The following RIMS1 variants were observed in gnomAD, a reference collection of about 807,000 sequenced individuals.
RIMS1 encodes the protein regulating synaptic membrane exocytosis 1.
Under a neutral mutation model 214.1 loss-of-function variants are expected in RIMS1, and 83 were observed. That is an observed-to-expected ratio of 0.39 (90% confidence interval 0.32 to 0.47). The LOEUF (loss-of-function observed/expected upper bound fraction) is 0.47, where lower values mean the gene tolerates loss of function less well. Ranked by LOEUF, RIMS1 falls within the 20% of genes least tolerant of loss-of-function variation. The probability of loss-of-function intolerance (pLI) is 0.99; values close to 1 mark genes in which losing one functional copy is unlikely to be tolerated. For synonymous variants in RIMS1, 793 were observed against 786.8 expected, an observed-to-expected ratio of 1.01 and a Z score of -0.13; for missense variants, 2,050 against 2,161.8, an observed-to-expected ratio of 0.95 and a Z score of 1.03.
intron 1 of RIMS1, among the ~76,000 whole-genome samples, chr6:71,914,257 A>C (rs1266264349): frequency 1.3e-5 from 2 of 152,110 alleles, no homozygotes; most frequent in African/African-American, 4.8e-5. Context: ...GGCCAGTTGC[A>C]AATATTCATA....
intron 6 of RIMS1, among the ~76,000 whole-genome samples, chr6:72,204,930 A>C (rs1272026998): frequency 3.9e-5 from 6 of 152,094 alleles, no homozygotes; most frequent in Non-Finnish European, 7.4e-5. Flanking sequence ...TTCTTGGCAT[A>C]TCTGTTAAGT....
At chr6:72,033,069 G>A (rs1170819344) in intron 2 of RIMS1, among the ~76,000 whole-genome samples, 2 of 152,188 alleles carry the variant, frequency 1.3e-5, no homozygotes, top group African/African-American at 4.8e-5. Context: ...ACATTTTTCA[G>A]GAAGTGAAGA....
chr6:72,088,742 G>GT (rs942777812), intron 2 of RIMS1, among the ~76,000 whole-genome samples: 2 of 152,124 alleles, frequency 1.3e-5, no homozygotes, highest in Non-Finnish European at 2.9e-5. Context: ...AAAATGCATA[G>GT]TTTTTTAGTA....
intron 4 of RIMS1, among the ~76,000 whole-genome samples, chr6:72,147,421 C>T (rs893310009): frequency 7.2e-5 from 11 of 152,120 alleles, no homozygotes; most frequent in East Asian, 1.9e-4. Context: ...TTTCTAGGGC[C>T]TAATAAGCAG....
intron 2 of RIMS1, among the ~76,000 whole-genome samples, chr6:72,053,573 A>G (rs1208154739): frequency 6.6e-6 from 1 of 152,146 alleles, no homozygotes; most frequent in East Asian, 1.9e-4. Context: ...TTGAAAATTC[A>G]TGGACTATAC....
intron 4 of RIMS1, among the ~76,000 whole-genome samples, chr6:72,146,890 G>A (rs189629808): frequency 2.0e-3 from 303 of 152,222 alleles, no homozygotes; most frequent in Middle Eastern, 6.8e-3. Context: ...GTAAAACCTA[G>A]TAAGTTATTT....
chr6:71,887,301 G>A, intron 1 of RIMS1, 114 bp downstream of exon 1: 1 of 1,410,682 alleles, frequency 7.1e-7, no homozygotes, highest in East Asian at 2.5e-5. Context: ...AGGGTGCTGG[G>A]TGCGGACGGA....
intron 6 of RIMS1, among the ~76,000 whole-genome samples, chr6:72,221,221 A>C (rs1055265796): frequency 7.9e-5 from 12 of 151,846 alleles, no homozygotes; most frequent in Admixed American, 5.9e-4. Context: ...ACACATCCAT[A>C]TGTGCGATCT....
At chr6:72,149,388 G>C (rs2043199885) in intron 4 of RIMS1, among the ~76,000 whole-genome samples, 1 of 152,202 alleles carries the variant, frequency 6.6e-6, no homozygotes, top group Non-Finnish European at 1.5e-5. Flanking sequence ...ACTGGAGCCG[G>C]TCTAGGGGCC....
chr6:72,154,226 C>G (rs1449576280), intron 4 of RIMS1, among the ~76,000 whole-genome samples: 1 of 142,180 alleles, frequency 7.0e-6, no homozygotes, highest in Non-Finnish European at 1.6e-5. Flanking sequence ...CAAAATCTTT[C>G]TATTTTATCT....
intron 2 of RIMS1, among the ~76,000 whole-genome samples, chr6:71,970,410 A>G (rs576991368): frequency 1.3e-5 from 2 of 152,276 alleles, no homozygotes; most frequent in East Asian, 1.9e-4. Context: ...TTAGAATTCA[A>G]ATTCTTTGAG....
intron 1 of RIMS1, among the ~76,000 whole-genome samples, chr6:71,914,653 T>G (rs1176257023): frequency 6.6e-6 from 1 of 152,172 alleles, no homozygotes; most frequent in Non-Finnish European, 1.5e-5. Context: ...AAACACAGAC[T>G]TCTTATTCTA....
chr6:72,179,841 G>T lies in RIMS1; in HGVS notation c.738G>T (p.Glu246Asp). 3 of 1,610,352 alleles carry T rather than the reference G, an allele frequency of 1.9e-6. No individual in the cohort carries two copies. Among genetic ancestry groups the T allele is most frequent in the Non-Finnish European group, 2.5e-6 (3 of 1,177,766 alleles). ...CACCAGACAGGAGCAAAGGGGCTGA[G>T]CCCTCGCAGCAAGCCTTGGGGCCTG... ...SAPPDRSKGA[E>D]PSQQALGPEQ... Residue 246 changes from glutamate (E) to aspartate (D), a missense_variant, in exon 5 of 34, where the codon GAG becomes GAT. Physicochemically the swap from Glu to Asp is conservative, Grantham distance 45. Coordinates refer to ENST00000521978, the MANE Select transcript of RIMS1 (RefSeq NM_014989.7).
chr6:72,253,273 G>A (rs2074286982), intron 16 of RIMS1, among the ~76,000 whole-genome samples: 1 of 152,120 alleles, frequency 6.6e-6, no homozygotes, highest in African/African-American at 2.4e-5. Flanking sequence ...AATTGCATGT[G>A]GCATGGCTGT....
At chr6:72,178,725 T>C (rs1025007519) in intron 4 of RIMS1, among the ~76,000 whole-genome samples, 3 of 152,232 alleles carry the variant, frequency 2.0e-5, no homozygotes, top group African/African-American at 7.2e-5. Context: ...AGCTAGTCAT[T>C]GCTGCTATTA....
At chr6:72,396,210 A>T (rs2098774635) in intron 31 of RIMS1, among the ~76,000 whole-genome samples, 1 of 152,206 alleles carries the variant, frequency 6.6e-6, no homozygotes, top group Non-Finnish European at 1.5e-5. Flanking sequence ...GTTTTAATTT[A>T]TGATAGAAAA....
rs778561464 is a variant in RIMS1, at chr6:72,196,230, T to C, written c.1678+13081T>C. ...GGTTTGCAATTCAAAAATTTGGCTATTATTTATTCATGTAATAATTTATTT... is the reference window on the plus strand; with the variant it reads ...GGTTTGCAATTCAAAAATTTGGCTACTATTTATTCATGTAATAATTTATTT... On this transcript the variant is annotated intron_variant, in intron 6 of 33. Transcript: ENST00000521978. 1.8e-4 allele frequency among the ~76,000 whole-genome samples: 27 copies of C among 152,288 alleles called. 2 individuals are homozygous for C. The highest frequency in any genetic ancestry group is 6.5e-4 in the African/African-American group (27 of 41,558).
chr6:72,011,716 G>A (rs1053024830), intron 2 of RIMS1, among the ~76,000 whole-genome samples: 1 of 152,126 alleles, frequency 6.6e-6, no homozygotes, highest in Non-Finnish European at 1.5e-5. Context: ...GCAGCCAAAA[G>A]ACACATGAAA....
chr6:72,071,439 A>G (rs1245878740), intron 2 of RIMS1, among the ~76,000 whole-genome samples: 2 of 152,144 alleles, frequency 1.3e-5, no homozygotes, highest in East Asian at 3.9e-4. Flanking sequence ...TTGGAGAAAC[A>G]GTAAGTTAGA....
Sources: gnomAD v4.1 joint callset for allele counts (sites outside exome capture counted in the v4.1 genomes callset) on GRCh38, gnomAD v4.1.1 for gene constraint, MANE v1.5 for transcripts, NCBI Gene and HGNC (gene_info 2026-07-23, HGNC 2026-07-21) for gene names.